Variants in ANK1 observed in about 807,000 individuals in gnomAD.
ANK1 encodes the protein ankyrin-1.
ANK1 carries 51 observed loss-of-function variants against 210.4 expected under a neutral mutation model. That is an observed-to-expected ratio of 0.24 (90% CI 0.19 to 0.31). ANK1 has a LOEUF of 0.31. Among genes scored for constraint, ANK1 ranks in the 10% least tolerant of loss-of-function variants. The pLI is 1.00. For synonymous variants in ANK1, 967 were observed against 1,025.9 expected (o/e 0.94, Z 1.10); for missense variants, 2,051 against 2,504.4 (o/e 0.82, Z 3.86).
intron 1 of ANK1, among the ~76,000 whole-genome samples, chr8:41,814,680 G>C (rs564603844): frequency 1.3e-5 from 2 of 151,546 alleles, no homozygotes; most frequent in East Asian, 3.9e-4. Flanking sequence ...CACCTGACAA[G>C]CTATTTATTT....
intron 1 of ANK1, among the ~76,000 whole-genome samples, chr8:41,848,039 G>C (rs1458917820): frequency 6.6e-6 from 1 of 151,914 alleles, no homozygotes. Flanking sequence ...ACAAAACTTA[G>C]CCGGGTGTGA....
At chr8:41,802,995 G>GAAAAAGAGAGAAAGAA (rs1554630755) in intron 1 of ANK1, among the ~76,000 whole-genome samples, 1 of 57,492 alleles carries the variant, frequency 1.7e-5, no homozygotes, top group South Asian at 8.5e-4. Context: ...GAGAGAAAGA[G>GAAAAAGAGAGAAAGAA]AGAAAGAAAG....
intron 1 of ANK1, among the ~76,000 whole-genome samples, chr8:41,773,546 G>A (rs1171767171): frequency 6.6e-6 from 1 of 152,176 alleles, no homozygotes; most frequent in Non-Finnish European, 1.5e-5. Context: ...CATGGCTTTG[G>A]TGGAATTCGA....
At chr8:41,817,767 A>G (rs1389618401) in intron 1 of ANK1, among the ~76,000 whole-genome samples, 2 of 152,246 alleles carry the variant, frequency 1.3e-5, no homozygotes, top group Non-Finnish European at 2.9e-5. Context: ...CCGAAGATAT[A>G]CCTAACAAGT....
chr8:41,896,440 A>C (rs1820553835), exon 1 of ANK1: 3 of 1,605,666 alleles, frequency 1.9e-6, no homozygotes, highest in Non-Finnish European at 2.6e-6. Flanking sequence ...CTGCGCCTCG[A>C]TGTCTTTGAT....
In ANK1 at chr8:41,661,897, A is replaced by G; in HGVS notation, c.5523T>C (p.Asp1841=). The change falls in exon 41 of 43, where the codon GAT becomes GAC. Residue 1841 remains aspartate, a synonymous_variant. Coordinates refer to ENST00000289734, the MANE Select transcript of ANK1 (RefSeq NM_000037.4). The stretch of plus-strand genomic sequence containing the variant: ...TCACCTCCTCGTGCTCCTGGGCGGC[A>G]TCGGCGCTGGACAAGTCTATCTGTC... ...VVRQIDLSSA[D]AAQEHEEVEL... is the part of the protein sequence containing the mutation. 6.2e-7 allele frequency: 1 copy of G among 1,614,092 alleles called. No homozygotes were observed. Among genetic ancestry groups the G allele is most frequent in the Non-Finnish European group, 8.5e-7 (1 of 1,179,998 alleles).
At chr8:41,861,253 A>G (rs1161643160) in intron 1 of ANK1, among the ~76,000 whole-genome samples, 1 of 152,202 alleles carries the variant, frequency 6.6e-6, no homozygotes, top group Non-Finnish European at 1.5e-5. Context: ...CCAGCATGCA[A>G]TGTTTCACAA....
intron 1 of ANK1, among the ~76,000 whole-genome samples, chr8:41,766,284 T>C (rs2150726771): frequency 6.6e-6 from 1 of 152,300 alleles, no homozygotes; most frequent in Middle Eastern, 3.4e-3. Context: ...GAAAGACAGC[T>C]GTCCCCAGCC....
At position 41,675,909 on chromosome 8, in the gene ANK1, A is replaced by G. The variant is rs1262767209; in HGVS notation, c.4538-2997T>C. ...AAGCCTGGCTTCTTTCACTCAACGT[A>G]GTCAATTTGGGTTTCATCCATGCTG... On this transcript the variant is annotated intron_variant, in intron 37 of 42. Coordinates refer to ENST00000289734, the MANE Select transcript of ANK1 (RefSeq NM_000037.4). Among the ~76,000 whole-genome samples the G allele has an allele frequency of 2.0e-5, 3 of 152,198 alleles. 1 individual carries two copies. Among genetic ancestry groups the G allele is most frequent in the Non-Finnish European group, 4.4e-5 (3 of 68,026 alleles).
intron 2 of ANK1, among the ~76,000 whole-genome samples, chr8:41,744,924 T>C (rs917050972): frequency 2.0e-5 from 3 of 152,136 alleles, no homozygotes; most frequent in African/African-American, 2.4e-5. Context: ...AACTACAGCA[T>C]GGAAAACAGT....
chr8:41,664,759 C>CTGCCA (rs1809816144), intron 39 of ANK1: 1 of 1,543,810 alleles, frequency 6.5e-7, no homozygotes, highest in African/African-American at 1.4e-5. Context: ...CCCCGGCCTC[C>CTGCCA]GGCGCCCACA....
intron 1 of ANK1, among the ~76,000 whole-genome samples, chr8:41,859,269 G>C (rs1197524078): frequency 3.9e-5 from 6 of 152,356 alleles, no homozygotes; most frequent in Admixed American, 3.3e-4. Context: ...AATTTCCCTG[G>C]GCTTGGCCCT....
At chr8:41,774,417 C>T (rs1419098088) in intron 1 of ANK1, among the ~76,000 whole-genome samples, 3 of 152,230 alleles carry the variant, frequency 2.0e-5, no homozygotes, top group Non-Finnish European at 2.9e-5. Context: ...TTGTCAATGT[C>T]CCCACGTGCT....
chr8:41,880,872 T>C (rs1257599117), intron 1 of ANK1, among the ~76,000 whole-genome samples: 4 of 152,254 alleles, frequency 2.6e-5, no homozygotes, highest in African/African-American at 9.6e-5. Context: ...CCTCCCATTA[T>C]CGCAGGCTCT....
Position 41,704,029 on chromosome 8 carries a change from G to C in ANK1, c.2295+12C>G, listed in dbSNP as rs1371101439. 6.2e-7 allele frequency: 1 copy of C among 1,612,116 alleles called. No homozygotes were observed. Among genetic ancestry groups the C allele is most frequent in the Admixed American group, 1.7e-5 (1 of 60,000 alleles). On this transcript the variant is annotated intron_variant, in intron 20 of 42. Coordinates refer to ENST00000289734, the MANE Select transcript of ANK1 (RefSeq NM_000037.4). This position sits in a 1 kb window ranked among gnomAD's most constrained non-coding sequence, Gnocchi z 4.1. ...AGCAGTTTTCTAAACTCAGGAGAGA[G>C]AGTGTACTCACCGAGCTGACCTCGT...
chr8:41,688,051 G>A (rs1304058484), intron 35 of ANK1, 105 bp downstream of exon 35: 51 of 1,329,434 alleles, frequency 3.8e-5, no homozygotes, highest in Non-Finnish European at 4.8e-5. Context: ...GATAACCCAC[G>A]GGTGATAAAA....
At chr8:41,685,607 ATGT>A (rs1216246933) in intron 36 of ANK1, among the ~76,000 whole-genome samples, 2 of 152,068 alleles carry the variant, frequency 1.3e-5, no homozygotes, top group East Asian at 3.9e-4. Flanking sequence ...CCCTGCACAG[ATGT>A]TGTCATCTAG....
At chr8:41,686,968 G>A (rs1044642622) in intron 35 of ANK1, among the ~76,000 whole-genome samples, 4 of 151,946 alleles carry the variant, frequency 2.6e-5, no homozygotes, top group Non-Finnish European at 4.4e-5. Flanking sequence ...CAACACAAAC[G>A]TGCACACACT....
chr8:41,871,274 G>C (rs1384440336), intron 1 of ANK1, among the ~76,000 whole-genome samples: 1 of 152,152 alleles, frequency 6.6e-6, no homozygotes, highest in Non-Finnish European at 1.5e-5. Flanking sequence ...CCTAACCTCC[G>C]CAGAATCGAG....
Sources: gnomAD v4.1 joint callset for allele counts (sites outside exome capture counted in the v4.1 genomes callset) on GRCh38, gnomAD v4.1.1 for gene constraint, Gnocchi (gnomAD v3.1) non-coding constraint, MANE v1.5 for transcripts, NCBI Gene and HGNC (gene_info 2026-07-23, HGNC 2026-07-21) for gene names.